Variants in ITPR2 observed in about 807,000 individuals in gnomAD.
ITPR2 encodes inositol 1,4,5-trisphosphate-gated calcium channel ITPR2.
ITPR2 carries 207 observed loss-of-function variants against 317.1 expected under a neutral mutation model. The ratio of observed to expected loss-of-function variants is 0.65; its 90% CI spans 0.58 to 0.73. ITPR2 has a LOEUF of 0.73. Ranked by LOEUF, ITPR2 falls within the 30% of genes least tolerant of loss-of-function variation. The pLI is 0.00. For synonymous variants in ITPR2, 1,156 were observed against 1,149.1 expected (o/e 1.01, Z -0.12); for missense variants, 2,613 against 3,284.0 (o/e 0.80, Z 4.99).
At chr12:26,790,058 G>T in intron 2 of ITPR2, 99 bp downstream of exon 2, 1 of 809,096 alleles carries the variant, frequency 1.2e-6, no homozygotes, top group Non-Finnish European at 2.1e-6. Flanking sequence ...ATATCTGAAA[G>T]TTTCACATTG....
chr12:26,591,422 A>G (rs995896293), intron 32 of ITPR2, among the ~76,000 whole-genome samples: 1 of 152,252 alleles, frequency 6.6e-6, no homozygotes, highest in East Asian at 1.9e-4. Flanking sequence ...TTTATCCAAA[A>G]GACAGGCAAT....
chr12:26,525,282 T>C (rs1057250690), intron 37 of ITPR2, among the ~76,000 whole-genome samples: 2 of 152,206 alleles, frequency 1.3e-5, no homozygotes, highest in African/African-American at 4.8e-5. Flanking sequence ...CTTCATGTCT[T>C]TCATTCTATA....
chr12:26,808,891 C>T (rs192676772), intron 1 of ITPR2, among the ~76,000 whole-genome samples: 40 of 152,334 alleles, frequency 2.6e-4, no homozygotes, highest in African/African-American at 7.7e-4. Flanking sequence ...AAATACTACA[C>T]GCCTTTACAA....
chr12:26,666,954 A>G (rs1157567652), intron 13 of ITPR2, among the ~76,000 whole-genome samples: 1 of 152,164 alleles, frequency 6.6e-6, no homozygotes, highest in Non-Finnish European at 1.5e-5. Context: ...TCTGTATTGG[A>G]AGGGTCAAGG....
At chr12:26,802,483 T>A (rs572038132) in intron 1 of ITPR2, among the ~76,000 whole-genome samples, 3 of 151,690 alleles carry the variant, frequency 2.0e-5, no homozygotes, top group African/African-American at 7.2e-5. Flanking sequence ...CTCTGTCTCT[T>A]TAAATTAATA....
At chr12:26,379,500 G>A (rs979999089) in intron 55 of ITPR2, among the ~76,000 whole-genome samples, 3 of 152,158 alleles carry the variant, frequency 2.0e-5, no homozygotes, top group African/African-American at 7.2e-5. Context: ...GTTATACCCA[G>A]TACCAATATT....
intron 36 of ITPR2, among the ~76,000 whole-genome samples, chr12:26,551,293 G>A (rs1944520291): frequency 6.6e-6 from 1 of 152,082 alleles, no homozygotes; most frequent in South Asian, 2.1e-4. Flanking sequence ...GGCTTCCCAG[G>A]GACTCCCAAT....
chr12:26,632,738 A>C (rs1946782647), intron 21 of ITPR2, among the ~76,000 whole-genome samples: 2 of 152,226 alleles, frequency 1.3e-5, no homozygotes, highest in Admixed American at 6.5e-5. Flanking sequence ...AGTGACAAAC[A>C]TGATCATTTT....
intron 45 of ITPR2, among the ~76,000 whole-genome samples, chr12:26,468,885 C>T (rs1942236674): frequency 6.6e-6 from 1 of 152,130 alleles, no homozygotes; most frequent in African/African-American, 2.4e-5. Context: ...TATGTAGATA[C>T]CATACAAGAT....
intron 32 of ITPR2, among the ~76,000 whole-genome samples, chr12:26,590,722 T>C (rs547503497): frequency 6.6e-6 from 1 of 152,254 alleles, no homozygotes; most frequent in Non-Finnish European, 1.5e-5. Context: ...CAAAAATTTC[T>C]AGAGTAACAC....
chr12:26,562,102 C>T, intron 34 of ITPR2, 150 bp from the exon 35 acceptor site: 1 of 540,978 alleles, frequency 1.8e-6, no homozygotes, highest in Non-Finnish European at 3.0e-6. Context: ...AAGCTTCTAA[C>T]CTGAATGTAT....
chr12:26,690,265 A>G (rs1164998725), intron 10 of ITPR2, among the ~76,000 whole-genome samples: 1 of 152,246 alleles, frequency 6.6e-6, no homozygotes, highest in Non-Finnish European at 1.5e-5. Context: ...ATGTTTGAAT[A>G]AAGGCTTATT....
chr12:26,768,524 T>C (rs950830801), intron 2 of ITPR2, among the ~76,000 whole-genome samples: 1 of 132,830 alleles, frequency 7.5e-6, no homozygotes, highest in Non-Finnish European at 1.6e-5. Context: ...CTAAAGGTAT[T>C]AGTTAGTAAA....
At chr12:26,722,607 A>C (rs1432978806) in intron 4 of ITPR2, 52 bp from the exon 5 acceptor site, 1 of 1,331,808 alleles carries the variant, frequency 7.5e-7, no homozygotes, top group Non-Finnish European at 1.1e-6. Context: ...CTCCTCTGTT[A>C]ATTACATTCA....
chr12:26,371,912 G>A (rs1365508263), intron 55 of ITPR2, among the ~76,000 whole-genome samples: 1 of 151,906 alleles, frequency 6.6e-6, no homozygotes, highest in African/African-American at 2.4e-5. Flanking sequence ...CTTAAAATCG[G>A]ATTTTTAAAA....
At chr12:26,812,484 C>T (rs1283596680) in intron 1 of ITPR2, among the ~76,000 whole-genome samples, 1 of 152,052 alleles carries the variant, frequency 6.6e-6, no homozygotes, top group Admixed American at 6.5e-5. Context: ...GAGGCTGAGG[C>T]AGGAGAATGG....
Position 26,663,849 on chromosome 12 carries a change from A to G in ITPR2, c.1552-3T>C, listed in dbSNP as rs1947559076. On this transcript the variant is annotated splice_polypyrimidine_tract_variant and splice_region_variant and intron_variant, in intron 14 of 56. Transcript: ENST00000381340. ...GGTGCTTTAAGAATTCCAAATACCT[A>G]TCAGGAATAAAAACAGCCACCTATT... 3.1e-6 allele frequency: 5 copies of G among 1,600,638 alleles called. No homozygotes were observed. The highest frequency in any genetic ancestry group is 1.8e-5 in the Admixed American group (1 of 56,160).
chr12:26,586,266 T>C lies in ITPR2; in HGVS notation c.4381-6111A>G, dbSNP rs545613092. ...CTCAGGGGATCCTCTTCCCTCGGTG[T>C]CCCTAGTAGCTGGGACTACAGGCAT... On this transcript the variant is annotated intron_variant, in intron 32 of 56. Coordinates refer to ENST00000381340, the MANE Select transcript of ITPR2 (RefSeq NM_002223.4). Among the ~76,000 whole-genome samples, 214 of 152,174 alleles carry C rather than the reference T, an allele frequency of 1.4e-3. 2 individuals are homozygous for C. The highest frequency in any genetic ancestry group is 5.0e-3 in the African/African-American group (208 of 41,500).
At chr12:26,414,484 G>A (rs954053157) in intron 51 of ITPR2, among the ~76,000 whole-genome samples, 6 of 151,856 alleles carry the variant, frequency 4.0e-5, no homozygotes, top group Admixed American at 3.3e-4. Flanking sequence ...ACCCATAGTC[G>A]GCAGAATCAC....
Sources: allele counts gnomAD v4.1 joint callset (sites outside exome capture counted in the v4.1 genomes callset), GRCh38; gene constraint gnomAD v4.1.1; transcripts MANE v1.5; gene names NCBI Gene and HGNC (gene_info 2026-07-23, HGNC 2026-07-21).